Variants in PTPRD observed in about 807,000 individuals in gnomAD.
The protein encoded by PTPRD is receptor-type tyrosine-protein phosphatase delta.
Under a neutral mutation model 214.5 loss-of-function variants are expected in PTPRD, and 34 were observed. The ratio of observed to expected loss-of-function variants is 0.16; its 90% CI spans 0.12 to 0.21. The LOEUF (loss-of-function observed/expected upper bound fraction) is 0.21, where lower values mean the gene tolerates loss of function less well. PTPRD is among the 10% of genes least tolerant of loss of function. The probability of loss-of-function intolerance (pLI) is 1.00; values close to 1 mark genes in which losing one functional copy is unlikely to be tolerated. For synonymous variants in PTPRD, 1,128 were observed against 845.7 expected, an observed-to-expected ratio of 1.33 and a Z score of -5.79; for missense variants, 2,545 against 2,398.7, an observed-to-expected ratio of 1.06 and a Z score of -1.27.
At position 8,316,773 on chromosome 9, in the gene PTPRD, C is replaced by T. The variant is rs1822114256; in HGVS notation, c.*1101G>A. 4.3e-6 allele frequency: 1 copy of T among 230,010 alleles called. No homozygotes were observed. The highest frequency in any genetic ancestry group is 6.1e-5 in the East Asian group (1 of 16,358). 14.2% of individuals were successfully genotyped at this position (230,010 alleles called of 1,614,324 possible). On this transcript the variant is annotated 3_prime_UTR_variant, in exon 46 of 46. Coordinates refer to ENST00000381196, the MANE Select transcript of PTPRD (RefSeq NM_002839.4). Reference sequence around the variant, plus strand: ...GGGGGTGAGGTTTGACAATCAATCACTGATGTGCATTCCTCATTTCCCTTT... The same window carrying T: ...GGGGGTGAGGTTTGACAATCAATCATTGATGTGCATTCCTCATTTCCCTTT...
At position 9,591,083 on chromosome 9, in the gene PTPRD, A is replaced by T. The variant is rs78175279; in HGVS notation, c.-286-16302T>A. On this transcript the variant is annotated intron_variant, in intron 7 of 45. Transcript: ENST00000381196. ...TTGCAAAAGGGACTTTGCAGAAGCA[A>T]TGAAGACTATGGACCTTAAAATAGG... Among the ~76,000 whole-genome samples the T allele has an allele frequency of 6.9e-3, 1,056 of 152,122 alleles. 34 individuals carry two copies. In the East Asian group the frequency reaches 0.098, roughly 14 times the overall value.
chr9:9,344,079 A>T (rs1364833977), intron 9 of PTPRD, among the ~76,000 whole-genome samples: 1 of 152,176 alleles, frequency 6.6e-6, no homozygotes, highest in Non-Finnish European at 1.5e-5. Context: ...TCAATTACAC[A>T]AATACATTAA....
chr9:8,806,410 A>G (rs1488643601), intron 11 of PTPRD, among the ~76,000 whole-genome samples: 1 of 152,144 alleles, frequency 6.6e-6, no homozygotes, highest in East Asian at 1.9e-4. Context: ...AAAAAACACA[A>G]CCAATATTCA....
chr9:10,487,909 T>C (rs951017227), intron 2 of PTPRD, among the ~76,000 whole-genome samples: 3 of 151,724 alleles, frequency 2.0e-5, no homozygotes, highest in African/African-American at 7.3e-5. Context: ...AAGAATTCTC[T>C]GAATTACCAG....
At chr9:9,040,574 G>A (rs1421459672) in intron 10 of PTPRD, among the ~76,000 whole-genome samples, 5 of 89,420 alleles carry the variant, frequency 5.6e-5, no homozygotes, top group Admixed American at 1.3e-4. Flanking sequence ...AACAGTTCCC[G>A]AAGAATTTTT....
chr9:8,952,737 C>T (rs1455727266), intron 11 of PTPRD, among the ~76,000 whole-genome samples: 1 of 151,730 alleles, frequency 6.6e-6, no homozygotes, highest in African/African-American at 2.4e-5. Context: ...TTAAGATTTT[C>T]ATGAAAGATT....
At chr9:9,179,627 G>C (rs2131352439) in intron 10 of PTPRD, among the ~76,000 whole-genome samples, 1 of 152,166 alleles carries the variant, frequency 6.6e-6, no homozygotes, top group African/African-American at 2.4e-5. Context: ...GTGAAGATGA[G>C]CAAAAAGACA....
Position 8,376,736 on chromosome 9 carries a change from A to G in PTPRD, c.4387-10T>C. On this transcript the variant is annotated splice_polypyrimidine_tract_variant and intron_variant, in intron 37 of 45. Transcript: ENST00000381196. ...ACTGGTCACACTTCACCTACAAGAAACAAGTGACACATTCAGGGCAAATGC... is the reference window on the plus strand; with the variant it reads ...ACTGGTCACACTTCACCTACAAGAAGCAAGTGACACATTCAGGGCAAATGC... 6.2e-7 allele frequency: 1 copy of G among 1,612,556 alleles called. No individual in the cohort carries two copies. Among genetic ancestry groups the G allele is most frequent in the Non-Finnish European group, 8.5e-7 (1 of 1,179,046 alleles).
chr9:8,704,605 C>G lies in PTPRD; in HGVS notation c.64+29175G>C, dbSNP rs1048998865. Among the ~76,000 whole-genome samples, 3 of 152,058 alleles carry G rather than the reference C, an allele frequency of 2.0e-5. No individual in the cohort carries two copies. The South Asian group carries it at 6.2e-4, about 31-fold the overall frequency. The stretch of plus-strand genomic sequence containing the variant: ...AAGTTGTCTGTACACTATCAAAGCA[C>G]TGTACAAACAGAATATGGAAGCTTA... On this transcript the variant is annotated intron_variant, in intron 12 of 45. Coordinates refer to ENST00000381196, the MANE Select transcript of PTPRD (RefSeq NM_002839.4).
chr9:10,346,378 A>G (rs1435685097), intron 2 of PTPRD, among the ~76,000 whole-genome samples: 1 of 152,148 alleles, frequency 6.6e-6, no homozygotes, highest in East Asian at 1.9e-4. Context: ...ATCAACTAGG[A>G]GGTTCAGAAT....
intron 11 of PTPRD, among the ~76,000 whole-genome samples, chr9:8,947,197 C>T (rs1360905598): frequency 2.0e-5 from 3 of 151,606 alleles, no homozygotes; most frequent in Non-Finnish European, 4.4e-5. Flanking sequence ...GGCGTGGTGG[C>T]TCACGCCTGT....
At chr9:10,277,578 A>G (rs13302599) in intron 3 of PTPRD, among the ~76,000 whole-genome samples, 1 of 152,112 alleles carries the variant, frequency 6.6e-6, no homozygotes, top group African/African-American at 2.4e-5. Flanking sequence ...TGATATAGAA[A>G]ATTCAATAAA....
chr9:10,004,693 A>G (rs2096429689), intron 4 of PTPRD, among the ~76,000 whole-genome samples: 1 of 152,104 alleles, frequency 6.6e-6, no homozygotes, highest in East Asian at 1.9e-4. Flanking sequence ...TATTTTTAAA[A>G]TACCAAATAG....
At chr9:8,678,647 G>A (rs912481453) in intron 12 of PTPRD, among the ~76,000 whole-genome samples, 2 of 152,150 alleles carry the variant, frequency 1.3e-5, no homozygotes, top group Middle Eastern at 3.2e-3. Flanking sequence ...CGAAGAGGAG[G>A]ATAATTATCA....
intron 3 of PTPRD, among the ~76,000 whole-genome samples, chr9:10,167,681 C>T (rs2099167726): frequency 6.6e-6 from 1 of 152,206 alleles, no homozygotes; most frequent in South Asian, 2.1e-4. Flanking sequence ...TCCAAAGCCT[C>T]TGAGGCTATC....
chr9:10,399,287 A>G (rs900248434), intron 2 of PTPRD, among the ~76,000 whole-genome samples: 3 of 151,950 alleles, frequency 2.0e-5, no homozygotes, highest in African/African-American at 7.2e-5. Context: ...TACTTTTTTG[A>G]TTTCAAATGT....
chr9:9,942,577 C>T (rs1049070735), intron 4 of PTPRD, among the ~76,000 whole-genome samples: 4 of 152,018 alleles, frequency 2.6e-5, no homozygotes, highest in African/African-American at 4.8e-5. Flanking sequence ...AATTTCCTTC[C>T]TTGAGAATCA....
At chr9:10,325,943 C>A (rs576282675) in intron 3 of PTPRD, among the ~76,000 whole-genome samples, 2 of 151,684 alleles carry the variant, frequency 1.3e-5, no homozygotes, top group East Asian at 3.9e-4. Context: ...TTTTATGTAA[C>A]AAACAGAAAC....
intron 3 of PTPRD, among the ~76,000 whole-genome samples, chr9:10,131,295 C>G (rs145396201): frequency 1.4e-4 from 21 of 152,056 alleles, no homozygotes; most frequent in Non-Finnish European, 2.8e-4. Flanking sequence ...ACACTAGATA[C>G]CATAGTGTAA....
Sources: allele counts gnomAD v4.1 joint callset (sites outside exome capture counted in the v4.1 genomes callset), GRCh38; gene constraint gnomAD v4.1.1; transcripts MANE v1.5; gene names NCBI Gene and HGNC (gene_info 2026-07-23, HGNC 2026-07-21).